The following STXBP5 variants were observed in gnomAD, a reference collection of about 807,000 sequenced individuals.
STXBP5 encodes syntaxin binding protein 5, also known as syntaxin-binding protein 5.
STXBP5 carries 50 observed loss-of-function variants against 152.4 expected under a neutral mutation model. The ratio of observed to expected loss-of-function variants is 0.33; its 90% CI spans 0.26 to 0.42. The LOEUF (loss-of-function observed/expected upper bound fraction) is 0.42, where lower values mean the gene tolerates loss of function less well. Ranked by LOEUF, STXBP5 falls within the 10% of genes least tolerant of loss-of-function variation. The pLI is 1.00. For missense variants in STXBP5, 1,167 were observed against 1,388.6 expected, an observed-to-expected ratio of 0.84 and a Z score of 2.54; for synonymous variants, 492 against 494.7, an observed-to-expected ratio of 0.99 and a Z score of 0.07.
At chr6:147,361,788 C>A (rs1162569030) in intron 23 of STXBP5, among the ~76,000 whole-genome samples, 1 of 152,018 alleles carries the variant, frequency 6.6e-6, no homozygotes, top group Non-Finnish European at 1.5e-5. Flanking sequence ...CTGACCTCAT[C>A]AAAACTTTAA....
At chr6:147,324,872 G>T in intron 16 of STXBP5, 87 bp from the exon 17 acceptor site, 1 of 1,167,412 alleles carries the variant, frequency 8.6e-7, no homozygotes. Context: ...TAAGTATCTA[G>T]TATCGTTTCA....
At position 147,260,621 on chromosome 6, in the gene STXBP5, A is replaced by G. The variant is rs1241064759; in HGVS notation, c.438A>G (p.Thr146=). Residue 146 remains threonine, a synonymous_variant, in exon 5 of 28, where the codon ACA becomes ACG. Coordinates refer to ENST00000321680, the MANE Select transcript of STXBP5 (RefSeq NM_001127715.4). ...HSLKFCRERV[T]FCHLPFQSKW... is the part of the protein sequence containing the mutation. Reference sequence around the variant, plus strand: ...GTATATTTTTCTCTTGCAGGGTTACATTTTGCCATCTGCCTTTCCAGAGTA... The same window carrying G: ...GTATATTTTTCTCTTGCAGGGTTACGTTTTGCCATCTGCCTTTCCAGAGTA... 2.5e-6 allele frequency: 4 copies of G among 1,613,604 alleles called. No individual in the cohort carries two copies. Among genetic ancestry groups the G allele is most frequent in the Non-Finnish European group, 8.5e-7 (1 of 1,179,678 alleles).
chr6:147,267,710 A>T (rs545288967), intron 7 of STXBP5, among the ~76,000 whole-genome samples: 1 of 151,724 alleles, frequency 6.6e-6, no homozygotes, highest in East Asian at 1.9e-4. Flanking sequence ...TTGCCCTCAG[A>T]TTTCCTATAA....
At position 147,363,802 on chromosome 6, in the gene STXBP5, G is replaced by A. The variant is rs1785174235; in HGVS notation, c.2915+98G>A. The A allele has an allele frequency of 2.0e-6, 3 of 1,477,798 alleles. No individual in the cohort carries two copies. The African/African-American group carries it at 4.2e-5, about 21-fold the overall frequency. 91.5% of individuals were successfully genotyped at this position (1,477,798 alleles called of 1,614,324 possible). On this transcript the variant is annotated intron_variant, in intron 24 of 27. Coordinates refer to ENST00000321680, the MANE Select transcript of STXBP5 (RefSeq NM_001127715.4). ...AAGAAATGCTTTTTGTGTGTGTATA[G>A]TCTTATACTCTGAGAATTTATTTTT...
chr6:147,288,973 C>T (rs1170215407), intron 8 of STXBP5, among the ~76,000 whole-genome samples: 2 of 152,266 alleles, frequency 1.3e-5, no homozygotes, highest in Non-Finnish European at 2.9e-5. Context: ...TTTAGGAATT[C>T]GTACACACGT....
chr6:147,269,999 A>G (rs1356573881), intron 7 of STXBP5, among the ~76,000 whole-genome samples: 1 of 152,264 alleles, frequency 6.6e-6, no homozygotes, highest in East Asian at 1.9e-4. Context: ...AACAAACTAC[A>G]TAAAAGCACA....
intron 21 of STXBP5, among the ~76,000 whole-genome samples, chr6:147,348,368 C>T (rs2128403664): frequency 6.6e-6 from 1 of 151,864 alleles, no homozygotes; most frequent in South Asian, 2.1e-4. Context: ...CTCCTTCCTC[C>T]TACTCCCTGT....
At chr6:147,343,218 T>C (rs569538963) in intron 21 of STXBP5, among the ~76,000 whole-genome samples, 1 of 152,256 alleles carries the variant, frequency 6.6e-6, no homozygotes, top group East Asian at 1.9e-4. Context: ...AAGGTTACTT[T>C]TATCTCTCCA....
rs773831678 is a variant in STXBP5 at position 147,327,248 on chromosome 6, T to C, written c.2052T>C (p.Ser684=). 9 of 1,612,562 alleles carry C rather than the reference T, an allele frequency of 5.6e-6. No homozygotes were observed. The African/African-American group carries it at 8.0e-5, about 14-fold the overall frequency. The change falls in exon 18 of 28, where the codon TCT becomes TCC. Residue 684 remains serine (S), a synonymous_variant. Transcript: ENST00000321680. ...SNDPYRREPR[S]PRKSRQPSGA... ...ATCCTTATCGGAGAGAACCCCGATC[T>C]CCTCGTAAATCTCGACAGCCTTCAG...
At chr6:147,349,200 C>A (rs899420640) in intron 21 of STXBP5, among the ~76,000 whole-genome samples, 3 of 151,832 alleles carry the variant, frequency 2.0e-5, no homozygotes, top group African/African-American at 7.3e-5. Flanking sequence ...CAGGAGGAAG[C>A]TAAAAAACAT....
chr6:147,238,452 C>T (rs1778384105), intron 3 of STXBP5, among the ~76,000 whole-genome samples: 2 of 152,170 alleles, frequency 1.3e-5, no homozygotes, highest in African/African-American at 2.4e-5. Flanking sequence ...CTCTCAACAC[C>T]ACTTCACTGG....
At chr6:147,345,217 T>C (rs1784271703) in intron 21 of STXBP5, among the ~76,000 whole-genome samples, 1 of 152,204 alleles carries the variant, frequency 6.6e-6, no homozygotes. Context: ...TATTTATTCA[T>C]TGTGTTTATT....
chr6:147,244,343 C>T (rs755381442), intron 4 of STXBP5, among the ~76,000 whole-genome samples: 3 of 152,238 alleles, frequency 2.0e-5, no homozygotes, highest in African/African-American at 4.8e-5. Flanking sequence ...GTCAGCCCTC[C>T]GACTTTGGTC....
chr6:147,318,824 A>C, intron 16 of STXBP5, among the ~76,000 whole-genome samples: 1 of 152,316 alleles, frequency 6.6e-6, no homozygotes, highest in Admixed American at 6.5e-5. Flanking sequence ...TCCTAAAATA[A>C]CTAATGACTG....
At chr6:147,215,379 T>G (rs535673521) in intron 2 of STXBP5, among the ~76,000 whole-genome samples, 52 of 152,286 alleles carry the variant, frequency 3.4e-4, no homozygotes, top group East Asian at 9.6e-4. Flanking sequence ...AGTAATTTTT[T>G]TTTGTTTGTT....
At chr6:147,349,209 A>G (rs1029136451) in intron 21 of STXBP5, among the ~76,000 whole-genome samples, 1 of 152,182 alleles carries the variant, frequency 6.6e-6, no homozygotes, top group Admixed American at 6.5e-5. Context: ...GCTAAAAAAC[A>G]TCCTGAGTTT....
intron 25 of STXBP5, among the ~76,000 whole-genome samples, chr6:147,365,374 T>C (rs1197705455): frequency 5.3e-5 from 8 of 152,224 alleles, no homozygotes; most frequent in Admixed American, 3.3e-4. Flanking sequence ...AGCAAAATGT[T>C]ATGTTAAGAA....
chr6:147,366,643 C>T (rs953872102), intron 25 of STXBP5, among the ~76,000 whole-genome samples: 2 of 152,196 alleles, frequency 1.3e-5, no homozygotes, highest in African/African-American at 4.8e-5. Context: ...CTTAAAAAGA[C>T]ACTTGTAATT....
chr6:147,210,819 CATT>C lies in STXBP5; in HGVS notation c.248+4760_248+4762del, dbSNP rs201266768. Among the ~76,000 whole-genome samples the C allele has an allele frequency of 6.0e-4, 92 of 152,296 alleles. 2 individuals carry two copies. In the East Asian group the frequency reaches 0.015, roughly 25 times the overall value. On this transcript the variant is annotated intron_variant, in intron 2 of 27. Coordinates refer to ENST00000321680, the MANE Select transcript of STXBP5 (RefSeq NM_001127715.4). Reference sequence around the variant, plus strand: ...TATTGTGGTGGATACATGATTATTACATTATTATTATAATACATGATTATTATT... The same window carrying C: ...TATTGTGGTGGATACATGATTATTACATTATTATAATACATGATTATTATT...
Sources: gnomAD v4.1 joint callset for allele counts (sites outside exome capture counted in the v4.1 genomes callset) on GRCh38, gnomAD v4.1.1 for gene constraint, MANE v1.5 for transcripts, NCBI Gene and HGNC (gene_info 2026-07-23, HGNC 2026-07-21) for gene names.